Variants in ZSCAN1 observed in about 807,000 individuals in gnomAD.
ZSCAN1 encodes the protein zinc finger and SCAN domain-containing protein 1.
ZSCAN1 carries 23 observed loss-of-function variants against 23.8 expected under a neutral mutation model. That is an observed-to-expected ratio of 0.97 (90% confidence interval 0.70 to 1.37). ZSCAN1 has a LOEUF of 1.37. Ranked by LOEUF, ZSCAN1 falls within the 40% of genes most tolerant of loss-of-function variation. The probability of loss-of-function intolerance (pLI) is 0.00; values close to 1 mark genes in which losing one functional copy is unlikely to be tolerated. For synonymous variants in ZSCAN1, 236 were observed against 232.3 expected (o/e 1.02, Z -0.15); for missense variants, 575 against 554.0 (o/e 1.04, Z -0.38).
chr19:58,043,977 TC>T (rs2073806766), intron 4 of ZSCAN1, among the ~76,000 whole-genome samples: 2 of 151,880 alleles, frequency 1.3e-5, no homozygotes, highest in South Asian at 4.2e-4. Context: ...TAAAAAACTT[TC>T]TGACTCTTGG....
In ZSCAN1 at chr19:58,040,685, C is replaced by T. The variant is rs1188963743; in HGVS notation, c.465+141C>T. The T allele has an allele frequency of 2.3e-5, 17 of 755,330 alleles. No individual in the cohort carries two copies. Among genetic ancestry groups the T allele is most frequent in the South Asian group, 6.8e-5 (4 of 58,812 alleles). 46.8% of individuals were successfully genotyped at this position (755,330 alleles called of 1,614,324 possible). On this transcript the variant is annotated intron_variant, in intron 4 of 5. Coordinates refer to ENST00000282326, the MANE Select transcript of ZSCAN1 (RefSeq NM_182572.4). The surrounding 1 kb of genome is among the most constrained non-coding windows in gnomAD (Gnocchi z 5.8). Reference sequence around the variant, plus strand: ...CAGGAAGCCCGGCCTCCAAACTCCCCGCCTGCCCCACAGATTCCCCAAGCT... The same window carrying T: ...CAGGAAGCCCGGCCTCCAAACTCCCTGCCTGCCCCACAGATTCCCCAAGCT...
rs762756499 is a variant in ZSCAN1 at position 58,053,602 on chromosome 19, C to T, written c.778C>T (p.Arg260Cys). The T allele has an allele frequency of 1.7e-5, 28 of 1,613,958 alleles. No individual in the cohort carries two copies. Among genetic ancestry groups the T allele is most frequent in the Admixed American group, 8.3e-5 (5 of 60,002 alleles). Residue 260 changes from arginine to cysteine, a missense_variant, in exon 6 of 6, where the codon CGC becomes TGC. Physicochemically the swap from Arg to Cys is radical, Grantham distance 180. Transcript: ENST00000282326. The surrounding 1 kb of genome is among the most constrained non-coding windows in gnomAD (Gnocchi z 5.8). ...AAACAGGAACACTGACCAGAGCGGC[C>T]GCCACCAGCCATCCCTCAAGCACAC... is the stretch of plus-strand genomic sequence containing the variant. Reference protein sequence around the residue: ...RRNRNTDQSGRHQPSLKHTKG... With the variant: ...RRNRNTDQSGCHQPSLKHTKG...
Position 58,037,976 on chromosome 19 carries a change from A to C in ZSCAN1, c.140A>C (p.His47Pro), listed in dbSNP as rs774544469. 1.9e-6 allele frequency: 3 copies of C among 1,606,818 alleles called. No individual in the cohort carries two copies. Among genetic ancestry groups the C allele is most frequent in the South Asian group, 2.2e-5 (2 of 90,990 alleles). Residue 47 changes from histidine (H) to proline (P), a missense_variant, in exon 3 of 6, where the codon CAC becomes CCC. By Grantham distance (77) the His-to-Pro change is moderately conservative. Transcript: ENST00000282326. ...QRLRFRQFQY[H>P]VASGPHLALG... ...CTGCGCTTCCGGCAGTTCCAGTACC[A>C]CGTGGCGAGCGGGCCGCACCTCGCG...
At chr19:58,034,318 G>T (rs1310405631) in intron 1 of ZSCAN1, among the ~76,000 whole-genome samples, 157 bp downstream of exon 1, 1 of 150,234 alleles carries the variant, frequency 6.7e-6, no homozygotes, top group African/African-American at 2.4e-5. Flanking sequence ...GGGAGGGGGC[G>T]GGCCGGGCCG....
chr19:58,045,565 C>T lies in ZSCAN1; in HGVS notation c.465+5021C>T. On this transcript the variant is annotated intron_variant, in intron 4 of 5. Transcript: ENST00000282326. This position sits in a 1 kb window ranked among gnomAD's most constrained non-coding sequence, Gnocchi z 4.3. ...AACCTGACACGGCCGCAGCTGGTGGCCCTGTGCAAGCTGCTGGAGCTACAG... is the reference window on the plus strand; with the variant it reads ...AACCTGACACGGCCGCAGCTGGTGGTCCTGTGCAAGCTGCTGGAGCTACAG... The T allele has an allele frequency of 8.1e-7, 1 of 1,241,996 alleles. No individual in the cohort carries two copies. Among genetic ancestry groups the T allele is most frequent in the Non-Finnish European group, 1.2e-6 (1 of 840,706 alleles). 76.9% of individuals were successfully genotyped at this position (1,241,996 alleles called of 1,614,324 possible). A position where few individuals can be genotyped will look rare whatever the true frequency, so the allele number is the denominator to read the frequency against.
intron 4 of ZSCAN1, chr19:58,046,763 G>A (rs1436735506): frequency 7.9e-6 from 6 of 763,274 alleles, no homozygotes; most frequent in Admixed American, 5.3e-5. Context: ...CAGAGGTGAA[G>A]AGCTAGAGCC....
chr19:58,052,542 A>T lies in ZSCAN1; in HGVS notation c.518A>T (p.Glu173Val), dbSNP rs772704592. The T allele has an allele frequency of 1.1e-5, 17 of 1,613,920 alleles. No homozygotes were observed. The highest frequency in any genetic ancestry group is 1.7e-5 in the Admixed American group (1 of 60,006). The change falls in exon 5 of 6, where the codon GAA becomes GTA. Residue 173 changes from glutamate to valine, a missense_variant. By Grantham distance (121) the Glu-to-Val change is moderately radical (BLOSUM62 -2). Transcript: ENST00000282326. The part of the protein sequence containing the change: ...AVAAAPALPE[E>V]SEWLETTQLQ... ...GCAGCAGCCCCAGCACTCCCCGAGG[A>T]AAGTGAGTGGCTGGAGACTACCCAG...
chr19:58,042,739 G>A (rs1233350956), intron 4 of ZSCAN1, among the ~76,000 whole-genome samples: 2 of 152,142 alleles, frequency 1.3e-5, no homozygotes, highest in East Asian at 3.9e-4. Flanking sequence ...GACGCCACGT[G>A]GAAACCACAG....
At chr19:58,046,152 C>T (rs1357569445) in intron 4 of ZSCAN1, 22 of 720,858 alleles carry the variant, frequency 3.1e-5, no homozygotes, top group Middle Eastern at 3.7e-4. Flanking sequence ...ACACTGCCCC[C>T]GTGCTAGAGG....
Position 58,037,750 on chromosome 19 carries a change from C to A in ZSCAN1, c.-87C>A. 1 of 1,418,210 alleles carries A rather than the reference C, an allele frequency of 7.1e-7. No homozygotes were observed. The highest frequency in any genetic ancestry group is 9.2e-7 in the Non-Finnish European group (1 of 1,086,172). 87.9% of individuals were successfully genotyped at this position (1,418,210 alleles called of 1,614,324 possible). On this transcript the variant is annotated 5_prime_UTR_variant, in exon 3 of 6. Transcript: ENST00000282326. ...CAGGCCCCTGATTGCTGATTCTGTC[C>A]GCCTGCCACACCGGCTCTGTCCGGA...
chr19:58,052,375 A>G (rs1862497), intron 4 of ZSCAN1, 115 bp from the exon 5 acceptor site: 1,333,011 of 1,526,724 alleles, frequency 0.87, 587,504 homozygotes, highest in African/African-American at 0.96. Context: ...GACACCGCGC[A>G]CTGCCCTGGG....
chr19:58,044,195 C>T (rs981334694), intron 4 of ZSCAN1, among the ~76,000 whole-genome samples: 4 of 151,936 alleles, frequency 2.6e-5, no homozygotes, highest in Admixed American at 2.6e-4. Flanking sequence ...TCGCTTGGAT[C>T]CAGGAGGCGG....
chr19:58,055,932 A>G (rs1276753823), downstream of ZSCAN1, among the ~76,000 whole-genome samples: 1 of 152,190 alleles, frequency 6.6e-6, no homozygotes, highest in African/African-American at 2.4e-5. Flanking sequence ...ACAAAAAACA[A>G]CAACAAAGAA....
At chr19:58,041,893 G>A (rs753953494) in intron 4 of ZSCAN1, among the ~76,000 whole-genome samples, 2 of 152,078 alleles carry the variant, frequency 1.3e-5, no homozygotes, top group Non-Finnish European at 2.9e-5. Flanking sequence ...ATCAACAGCC[G>A]GGCACAGTGG....
Position 58,053,734 on chromosome 19 carries a change from G to A in ZSCAN1, c.910G>A (p.Val304Ile). The change falls in exon 6 of 6, where the codon GTC becomes ATC. Residue 304 changes from valine to isoleucine, a missense_variant. Val to Ile is a conservative substitution (Grantham distance 29, BLOSUM62 3). Coordinates refer to ENST00000282326, the MANE Select transcript of ZSCAN1 (RefSeq NM_182572.4). This position sits in a 1 kb window ranked among gnomAD's most constrained non-coding sequence, Gnocchi z 5.8. ...CGACTGTGGGATGGTCTTCACCTGGGTCACCCACTTCATCGAGCACCAGAA... is the reference window on the plus strand; with the variant it reads ...CGACTGTGGGATGGTCTTCACCTGGATCACCCACTTCATCGAGCACCAGAA... ...CADCGMVFTW[V>I]THFIEHQKTH... is the part of the protein sequence containing the mutation. The A allele has an allele frequency of 6.2e-7, 1 of 1,614,058 alleles. No individual in the cohort carries two copies. Among genetic ancestry groups the A allele is most frequent in the Non-Finnish European group, 8.5e-7 (1 of 1,180,004 alleles).
At chr19:58,043,485 G>A (rs2073803966) in intron 4 of ZSCAN1, among the ~76,000 whole-genome samples, 1 of 152,226 alleles carries the variant, frequency 6.6e-6, no homozygotes, top group South Asian at 2.1e-4. Context: ...AAGGGAGCTT[G>A]TGAGACTGGA....
intron 4 of ZSCAN1, 59 bp from the exon 5 acceptor site, chr19:58,052,431 G>C: frequency 1.9e-6 from 3 of 1,611,384 alleles, no homozygotes; most frequent in Non-Finnish European, 2.5e-6. Flanking sequence ...GTTCGGTGGT[G>C]GTGGGGAGGA....
chr19:58,040,423 C>G lies in ZSCAN1; in HGVS notation c.371-27C>G. On this transcript the variant is annotated intron_variant, in intron 3 of 5. Transcript: ENST00000282326. The surrounding 1 kb of genome is among the most constrained non-coding windows in gnomAD (Gnocchi z 5.8). ...TGGGGGCTCTGGGAAGAACAGGCCC[C>G]TCTCACGATCCCTTTCTCCCGCACA... The G allele has an allele frequency of 1.9e-6, 3 of 1,612,028 alleles. No homozygotes were observed. The highest frequency in any genetic ancestry group is 2.5e-6 in the Non-Finnish European group (3 of 1,178,806).
Position 58,047,339 on chromosome 19 carries a change from A to T in ZSCAN1, c.466-5151A>T, listed in dbSNP as rs2073832624. Among the ~76,000 whole-genome samples, 1 of 152,192 alleles carries T rather than the reference A, an allele frequency of 6.6e-6. No homozygotes were observed. Among genetic ancestry groups the T allele is most frequent in the Admixed American group, 6.5e-5 (1 of 15,288 alleles). On this transcript the variant is annotated intron_variant, in intron 4 of 5. Transcript: ENST00000282326. This position sits in a 1 kb window ranked among gnomAD's most constrained non-coding sequence, Gnocchi z 4.9. ...CCATCTCTGTGGCCTCTGGAGAGTG[A>T]CGTCTCCCTGCTGGCAGGGCCGGTT...
Sources: allele counts gnomAD v4.1 joint callset (sites outside exome capture counted in the v4.1 genomes callset), GRCh38; gene constraint gnomAD v4.1.1; non-coding constraint Gnocchi (gnomAD v3.1); transcripts MANE v1.5; gene names NCBI Gene and HGNC (gene_info 2026-07-23, HGNC 2026-07-21).